Variants in STPG2 observed in about 807,000 individuals in gnomAD.
STPG2 encodes the protein sperm-tail PG-rich repeat-containing protein 2.
A neutral mutation model predicts 54.2 loss-of-function variants in STPG2; 56 were observed. The observed-to-expected ratio is 1.03, with a 90% CI of 0.83 to 1.29. The LOEUF (loss-of-function observed/expected upper bound fraction) is 1.29. Among genes scored for constraint, STPG2 ranks in the 50% most tolerant of loss-of-function variants. The probability of loss-of-function intolerance (pLI) is 0.00; values close to 1 mark genes in which losing one functional copy is unlikely to be tolerated. For synonymous variants in STPG2, 200 were observed against 181.8 expected, an observed-to-expected ratio of 1.10 and a Z score of -0.81; for missense variants, 596 against 544.9, an observed-to-expected ratio of 1.09 and a Z score of -0.93.
At chr4:98,095,641 G>A (rs6532715) in intron 5 of STPG2, among the ~76,000 whole-genome samples, 60,206 of 151,998 alleles carry the variant, frequency 0.4, 12,154 homozygotes, top group Middle Eastern at 0.46. Context: ...ATACAAATGT[G>A]CCCAACATGG....
chr4:97,949,859 CTTTG>C (rs1472079064), intron 7 of STPG2, among the ~76,000 whole-genome samples: 1 of 148,118 alleles, frequency 6.8e-6, no homozygotes, highest in Non-Finnish European at 1.5e-5. Context: ...GACTATATGC[CTTTG>C]TGTTTTGTTT....
chr4:97,540,281 G>A (rs1305035064), intron 4 of STPG2, among the ~76,000 whole-genome samples: 1 of 151,984 alleles, frequency 6.6e-6, no homozygotes, highest in Non-Finnish European at 1.5e-5. Flanking sequence ...AATAAATAAT[G>A]ATAAAGGGGA....
At chr4:97,897,829 C>T (rs1008075030) in intron 8 of STPG2, among the ~76,000 whole-genome samples, 3 of 152,132 alleles carry the variant, frequency 2.0e-5, no homozygotes, top group African/African-American at 7.2e-5. Context: ...GCATAGTTTA[C>T]AAAAATTTCC....
chr4:97,997,988 G>A (rs563984318), intron 5 of STPG2, among the ~76,000 whole-genome samples: 33 of 152,264 alleles, frequency 2.2e-4, no homozygotes, highest in African/African-American at 7.2e-5. Context: ...AACGGAGTGC[G>A]AAAAGAAGCG....
intron 5 of STPG2, among the ~76,000 whole-genome samples, chr4:98,084,103 C>T (rs1738437130): frequency 6.6e-6 from 1 of 152,118 alleles, no homozygotes; most frequent in South Asian, 2.1e-4. Flanking sequence ...CCTCAGCCTC[C>T]CAAAGTGCTG....
At chr4:97,463,811 C>A (rs983967586) in intron 4 of STPG2, among the ~76,000 whole-genome samples, 1 of 152,190 alleles carries the variant, frequency 6.6e-6, no homozygotes, top group African/African-American at 2.4e-5. Context: ...AATATTGATA[C>A]GTTACTGTTT....
At chr4:97,563,523 G>A (rs1215860930) in intron 10 of STPG2, among the ~76,000 whole-genome samples, 1 of 152,016 alleles carries the variant, frequency 6.6e-6, no homozygotes, top group Non-Finnish European at 1.5e-5. Flanking sequence ...TCTTTTAATT[G>A]TGATGTTAGG....
intron 4 of STPG2, among the ~76,000 whole-genome samples, chr4:97,552,661 T>C (rs1359357047): frequency 1.3e-5 from 2 of 152,158 alleles, no homozygotes; most frequent in Non-Finnish European, 2.9e-5. Flanking sequence ...GAAATATTTG[T>C]ATAATTTTAA....
chr4:97,774,815 T>C (rs1726325598), intron 9 of STPG2, among the ~76,000 whole-genome samples: 1 of 152,214 alleles, frequency 6.6e-6, no homozygotes, highest in African/African-American at 2.4e-5. Context: ...AGTACTTATC[T>C]TCTAACCTCA....
At chr4:98,037,749 G>T (rs932114144) in intron 5 of STPG2, among the ~76,000 whole-genome samples, 1 of 152,098 alleles carries the variant, frequency 6.6e-6, no homozygotes, top group Non-Finnish European at 1.5e-5. Flanking sequence ...TTAAAGAGTT[G>T]CTGGATCAAA....
chr4:98,053,706 GA>G lies in STPG2; in HGVS notation c.612+52246del, dbSNP rs149357574. On this transcript the variant is annotated intron_variant, in intron 5 of 10. Coordinates refer to ENST00000295268, the MANE Select transcript of STPG2 (RefSeq NM_174952.3). ...TCACAAGAATTGCATTAATTGCCTTGAGACATAATTGTGGAAACATTAACTG... is the reference window on the plus strand; with the variant it reads ...TCACAAGAATTGCATTAATTGCCTTGGACATAATTGTGGAAACATTAACTG... 3.8e-3 allele frequency among the ~76,000 whole-genome samples: 584 copies of G among 152,136 alleles called. 1 individual carries two copies. Among genetic ancestry groups the G allele is most frequent in the Middle Eastern group, 0.014 (4 of 294 alleles).
chr4:97,912,754 T>G (rs569301860), intron 8 of STPG2, among the ~76,000 whole-genome samples: 1 of 152,276 alleles, frequency 6.6e-6, no homozygotes, highest in East Asian at 1.9e-4. Flanking sequence ...CAGAATCAAG[T>G]TGGAAAGCAT....
intron 8 of STPG2, among the ~76,000 whole-genome samples, chr4:97,924,168 C>A (rs755631637): frequency 6.6e-6 from 1 of 152,152 alleles, no homozygotes; most frequent in Non-Finnish European, 1.5e-5. Flanking sequence ...AAGGAAGAAA[C>A]CCTGAACACA....
At chr4:97,469,263 T>C (rs1457160589) in intron 4 of STPG2, among the ~76,000 whole-genome samples, 1 of 152,132 alleles carries the variant, frequency 6.6e-6, no homozygotes, top group Non-Finnish European at 1.5e-5. Context: ...TGCATGTTAA[T>C]ACATTAAAGA....
chr4:98,128,566 G>T lies in STPG2; in HGVS notation c.249C>A (p.Thr83=). 1 of 1,607,194 alleles carries T rather than the reference G, an allele frequency of 6.2e-7. No individual in the cohort carries two copies. Among genetic ancestry groups the T allele is most frequent in the African/African-American group, 1.3e-5 (1 of 74,636 alleles). Residue 83 remains threonine, a synonymous_variant, in exon 3 of 11, where the codon ACC becomes ACA. Coordinates refer to ENST00000295268, the MANE Select transcript of STPG2 (RefSeq NM_174952.3). ...GAATTGAAGGAACATCAACACTTCT[G>T]GTAAGTGTAGGTGATCTTGAAATTT... is the stretch of plus-strand genomic sequence containing the variant. ...AQKISRSPTL[T]RSVDVPSIPS...
At chr4:97,716,201 G>A (rs1578502869) in intron 9 of STPG2, among the ~76,000 whole-genome samples, 1 of 152,094 alleles carries the variant, frequency 6.6e-6, no homozygotes, top group African/African-American at 2.4e-5. Context: ...GGAAACAACA[G>A]ATGCTGGAGA....
intron 10 of STPG2, among the ~76,000 whole-genome samples, chr4:97,683,546 A>T (rs1221601509): frequency 6.6e-6 from 1 of 151,846 alleles, no homozygotes; most frequent in Non-Finnish European, 1.5e-5. Context: ...ATATATTCAG[A>T]AAAACATTTG....
intron 5 of STPG2, among the ~76,000 whole-genome samples, chr4:98,032,751 C>T (rs1326877478): frequency 6.6e-6 from 1 of 152,180 alleles, no homozygotes; most frequent in Non-Finnish European, 1.5e-5. Flanking sequence ...GTCTCTCAGA[C>T]CACGGTGCAA....
At chr4:97,740,222 T>A (rs1182788374) in intron 9 of STPG2, among the ~76,000 whole-genome samples, 1 of 152,144 alleles carries the variant, frequency 6.6e-6, no homozygotes, top group Non-Finnish European at 1.5e-5. Flanking sequence ...CTCAAAATAA[T>A]AACAGCTATC....
Sources: gnomAD v4.1 joint callset for allele counts (sites outside exome capture counted in the v4.1 genomes callset) on GRCh38, gnomAD v4.1.1 for gene constraint, MANE v1.5 for transcripts, NCBI Gene and HGNC (gene_info 2026-07-23, HGNC 2026-07-21) for gene names.